The following RRP9 variants were observed in gnomAD, a reference collection of about 807,000 sequenced individuals.
The protein encoded by RRP9 is ribosomal RNA processing 9, U3 small nucleolar RNA binding protein.
A neutral mutation model predicts 65.5 loss-of-function variants in RRP9; 35 were observed. That is an observed-to-expected ratio of 0.53 (90% CI 0.41 to 0.71). The LOEUF (loss-of-function observed/expected upper bound fraction) is 0.71, where lower values mean the gene tolerates loss of function less well. RRP9 is among the 30% of genes least tolerant of loss of function. RRP9 has a pLI of 0.00. For missense variants in RRP9, 533 were observed against 633.6 expected (o/e 0.84, Z 1.70); for synonymous variants, 254 against 245.0 (o/e 1.04, Z -0.34).
chr3:51,935,793 C>T lies in RRP9; in HGVS notation c.736-101G>A, dbSNP rs1273022371. On this transcript the variant is annotated intron_variant, in intron 8 of 14. Coordinates refer to ENST00000232888, the MANE Select transcript of RRP9 (RefSeq NM_004704.5). Reference sequence around the variant, plus strand: ...TTCCCAAAAAGCAAGCCATGTGGCACGTGCTGTGAGGCAATTTTGTACTGC... The same window carrying T: ...TTCCCAAAAAGCAAGCCATGTGGCATGTGCTGTGAGGCAATTTTGTACTGC... The T allele has an allele frequency of 3.0e-5, 29 of 951,006 alleles. No individual in the cohort carries two copies. In the East Asian group the frequency reaches 6.5e-4, roughly 21 times the overall value. The allele number at this position is 951,006 out of a possible 1,614,324, so 58.9% of individuals were successfully genotyped here. A position where few individuals can be genotyped will look rare whatever the true frequency, so the allele number is the denominator to read the frequency against.
chr3:51,933,729 G>A lies in RRP9; in HGVS notation c.1313C>T (p.Ala438Val). 3.1e-6 allele frequency: 5 copies of A among 1,614,098 alleles called. No homozygotes were observed. Among genetic ancestry groups the A allele is most frequent in the Non-Finnish European group, 4.2e-6 (5 of 1,179,992 alleles). Residue 438 changes from alanine to valine, a missense_variant, in exon 14 of 15, where the codon GCT (alanine) becomes GTT (valine). By Grantham distance (64) the Ala-to-Val change is moderately conservative. This residue lies in a region of RRP9 where 449 missense variants were observed against 550.6 expected (regional missense o/e 0.82). Coordinates refer to ENST00000232888, the MANE Select transcript of RRP9 (RefSeq NM_004704.5). Reference protein sequence around the residue: ...KFSSSGDFLVAGVGQEHRLGR... With the variant: ...KFSSSGDFLVVGVGQEHRLGR... ...ATACCTGTGCTCCTGCCCTACCCCA[G>A]CCACCAGGAAGTCCCCAGAGCTGGA...
At position 51,941,816 on chromosome 3, in the gene RRP9, C is replaced by G; in HGVS notation, c.52G>C (p.Gly18Arg). Residue 18 changes from glycine (G) to arginine (R), a missense_variant, in exon 1 of 15, where the codon GGG becomes CGG. Physicochemically the swap from Gly to Arg is moderately radical, Grantham distance 125 (BLOSUM62 -2). Coordinates refer to ENST00000232888, the MANE Select transcript of RRP9 (RefSeq NM_004704.5). The part of the protein sequence containing the change: ...RKRGKPASGA[G>R]AGAGAGKRRR... ...CGCTTGCCGGCCCCCGCGCCAGCCC[C>G]GGCCCCAGAGGCCGGCTTTCCCCGC... is the stretch of plus-strand genomic sequence containing the variant. 1.3e-6 allele frequency: 2 copies of G among 1,580,482 alleles called. No homozygotes were observed. Among genetic ancestry groups the G allele is most frequent in the Non-Finnish European group, 1.7e-6 (2 of 1,171,522 alleles).
At chr3:51,939,255 T>G (rs902474662) in intron 2 of RRP9, among the ~76,000 whole-genome samples, 3 of 152,224 alleles carry the variant, frequency 2.0e-5, no homozygotes, top group Non-Finnish European at 4.4e-5. Context: ...AGAAATAATT[T>G]AGTGCCCTGT....
At chr3:51,935,048 C>G (rs1410890511) in intron 11 of RRP9, 149 bp downstream of exon 11, 2 of 874,132 alleles carry the variant, frequency 2.3e-6, no homozygotes, top group Non-Finnish European at 3.6e-6. Context: ...ACAAGGCCAT[C>G]TGAGCTCTCT....
In RRP9 at chr3:51,938,223, T is replaced by C; in HGVS notation, c.171-19A>G. 6.5e-7 allele frequency: 1 copy of C among 1,533,708 alleles called. No individual in the cohort carries two copies. Among genetic ancestry groups the C allele is most frequent in the Non-Finnish European group, 8.8e-7 (1 of 1,141,596 alleles). On this transcript the variant is annotated intron_variant, in intron 2 of 14. Coordinates refer to ENST00000232888, the MANE Select transcript of RRP9 (RefSeq NM_004704.5). ...AGCTAGGCTGTGGGCAGGAAGGGGC[T>C]GGGTCTGAGGGGCTCACCTTGTTCC... is the stretch of plus-strand genomic sequence containing the variant.
rs757047092 is a variant in RRP9, at chr3:51,934,487, G to A, written c.1245C>T (p.Leu415=). 4 of 1,613,716 alleles carry A rather than the reference G, an allele frequency of 2.5e-6. No homozygotes were observed. The highest frequency in any genetic ancestry group is 3.3e-5 in the Admixed American group (2 of 59,998). The change falls in exon 13 of 15, where the codon CTC becomes CTT. Residue 415 remains leucine, a synonymous_variant. Transcript: ENST00000232888. The surrounding 1 kb of genome is among the most constrained non-coding windows in gnomAD (Gnocchi z 4.1). ...CGEGFRQLDL[L]CDIPLVGFIN... ...ACTCACTCACCAGGGGGATGTCACA[G>A]AGAAGGTCAAGCTGCCGGAAGCCTT...
At position 51,941,744 on chromosome 3, in the gene RRP9, C is replaced by T. The variant is rs1178655411; in HGVS notation, c.87+37G>A. ...GATGGGATGACGGTTGTCCCAGTAG[C>T]AGGGCTGACCGCGGCCCTCAGAAGC... is the stretch of plus-strand genomic sequence containing the variant. On this transcript the variant is annotated intron_variant, in intron 1 of 14. Transcript: ENST00000232888. 6.6e-6 allele frequency: 10 copies of T among 1,512,970 alleles called. No individual in the cohort carries two copies. In the Admixed American group the frequency reaches 1.9e-4, roughly 29 times the overall value. 93.7% of individuals were successfully genotyped at this position (1,512,970 alleles called of 1,614,324 possible). A position where few individuals can be genotyped will look rare whatever the true frequency, so the allele number is the denominator to read the frequency against.
chr3:51,936,887 G>C (rs530415929), intron 6 of RRP9, among the ~76,000 whole-genome samples: 2 of 152,204 alleles, frequency 1.3e-5, no homozygotes, highest in Non-Finnish European at 2.9e-5. Context: ...CAGGAGGACC[G>C]GGCACTCAAT....
Position 51,934,772 on chromosome 3 carries a change from C to G in RRP9, c.1039G>C (p.Val347Leu). The change falls in exon 12 of 15, where the codon GTG (valine) becomes CTG (leucine). Residue 347 changes from valine to leucine, a missense_variant. This residue lies in a region of RRP9 where 449 missense variants were observed against 550.6 expected (regional missense o/e 0.82). Transcript: ENST00000232888. The surrounding 1 kb of genome is among the most constrained non-coding windows in gnomAD (Gnocchi z 4.1). The stretch of plus-strand genomic sequence containing the variant: ...TTCTTGGAGAGACCCCACAAGGCCA[C>G]AGAGCTATAAACAGGGAGGGAATAC... ...HMVSGADDGS[V>L]ALWGLSKKRP... 1 of 1,613,270 alleles carries G rather than the reference C, an allele frequency of 6.2e-7. No homozygotes were observed. The highest frequency in any genetic ancestry group is 8.5e-7 in the Non-Finnish European group (1 of 1,179,830).
chr3:51,941,678 AG>A, intron 1 of RRP9, 102 bp downstream of exon 1: 1 of 1,189,752 alleles, frequency 8.4e-7, no homozygotes. Flanking sequence ...GCAGGGGTCC[AG>A]GGCGAAGGGC....
In RRP9 at chr3:51,934,835, G is replaced by T; in HGVS notation, c.1035-59C>A. The T allele has an allele frequency of 6.4e-7, 1 of 1,552,824 alleles. No individual in the cohort carries two copies. The highest frequency in any genetic ancestry group is 8.8e-7 in the Non-Finnish European group (1 of 1,138,730). On this transcript the variant is annotated intron_variant, in intron 11 of 14. Transcript: ENST00000232888. This position sits in a 1 kb window ranked among gnomAD's most constrained non-coding sequence, Gnocchi z 4.1. ...GCCAGAGGCAGAAAAGGCCCCCTGT[G>T]TAACACAAAGGATTAATGCTTGAGG...
intron 13 of RRP9, 43 bp from the exon 14 acceptor site, chr3:51,933,824 G>T: frequency 1.3e-6 from 2 of 1,564,996 alleles, no homozygotes; most frequent in Non-Finnish European, 1.8e-6. Context: ...AACGCCCCCC[G>T]CCACCACCGT....
chr3:51,940,191 G>C (rs900128759), intron 2 of RRP9, among the ~76,000 whole-genome samples: 3 of 152,126 alleles, frequency 2.0e-5, no homozygotes, highest in Non-Finnish European at 4.4e-5. Context: ...GGGAAGCAGA[G>C]GTTGCAGTGA....
At position 51,937,677 on chromosome 3, in the gene RRP9, C is replaced by T; in HGVS notation, c.340G>A (p.Glu114Lys). The change falls in exon 4 of 15, where the codon GAG (glutamate) becomes AAG (lysine). Residue 114 changes from glutamate (E) to lysine (K), a missense_variant. By Grantham distance (56) the Glu-to-Lys change is moderately conservative. Transcript: ENST00000232888. This position sits in a 1 kb window ranked among gnomAD's most constrained non-coding sequence, Gnocchi z 5.0. The part of the protein sequence containing the change: ...EEDQVAGRLK[E>K]DVLEQRGRLQ... The stretch of plus-strand genomic sequence containing the variant: ...TCTCCCTCCACACTTACCACATCCT[C>T]CTTCAGGCGCCCCGCCACCTGGTCC... 6.2e-7 allele frequency: 1 copy of T among 1,614,222 alleles called. No individual in the cohort carries two copies. The highest frequency in any genetic ancestry group is 8.5e-7 in the Non-Finnish European group (1 of 1,180,038).
chr3:51,936,065 A>G (rs1473760690), intron 8 of RRP9, among the ~76,000 whole-genome samples, 192 bp downstream of exon 8: 1 of 152,078 alleles, frequency 6.6e-6, no homozygotes, highest in African/African-American at 2.4e-5. Context: ...TTCCTGAGCA[A>G]GCTCGGCCCG....
At chr3:51,933,833 G>A (rs374463412) in intron 13 of RRP9, 52 bp from the exon 14 acceptor site, 17 of 1,536,852 alleles carry the variant, frequency 1.1e-5, no homozygotes, top group East Asian at 4.5e-5. Context: ...CGCCACCACC[G>A]TCCTCAGCAT....
chr3:51,934,692 C>T lies in RRP9; in HGVS notation c.1119G>A (p.Leu373=), dbSNP rs372854329. 6 of 1,614,040 alleles carry T rather than the reference C, an allele frequency of 3.7e-6. No individual in the cohort carries two copies. In the African/African-American group the frequency reaches 8.0e-5, roughly 22 times the overall value. The change falls in exon 12 of 15, where the codon CTG becomes CTA. Residue 373 remains leucine (L), a synonymous_variant. Transcript: ENST00000232888. This position sits in a 1 kb window ranked among gnomAD's most constrained non-coding sequence, Gnocchi z 4.1. ...EAHGLRGEPG[L]EQPFWISSVA... is the part of the protein sequence containing the mutation. ...CCGACGATATCCAGAAGGGCTGCTCCAGGCCTGGCTCTCCCCGCAGCCCGT... is the reference window on the plus strand; with the variant it reads ...CCGACGATATCCAGAAGGGCTGCTCTAGGCCTGGCTCTCCCCGCAGCCCGT...
At position 51,937,845 on chromosome 3, in the gene RRP9, T is replaced by C. The variant is rs1699477464; in HGVS notation, c.281-109A>G. The C allele has an allele frequency of 9.5e-6, 13 of 1,370,314 alleles. No individual in the cohort carries two copies. The highest frequency in any genetic ancestry group is 1.3e-5 in the Non-Finnish European group (13 of 983,334). The allele number at this position is 1,370,314 out of a possible 1,614,324, so 84.9% of individuals were successfully genotyped here. On this transcript the variant is annotated intron_variant, in intron 3 of 14. Coordinates refer to ENST00000232888, the MANE Select transcript of RRP9 (RefSeq NM_004704.5). The surrounding 1 kb of genome is among the most constrained non-coding windows in gnomAD (Gnocchi z 5.0). ...GCTGGATAATGCAGGAAGCTCCAGCTGCCTCAGCAGAGGGGAGGGCAAGCT... is the reference window on the plus strand; with the variant it reads ...GCTGGATAATGCAGGAAGCTCCAGCCGCCTCAGCAGAGGGGAGGGCAAGCT...
Position 51,935,187 on chromosome 3 carries a change from G to A in RRP9, c.1034+10C>T, listed in dbSNP as rs751694515. ...AAGCCGTGGCCAGAGACATCCAAAG[G>A]ACCTCTTACCCATCGTCCGCGCCGG... On this transcript the variant is annotated intron_variant, in intron 11 of 14. Coordinates refer to ENST00000232888, the MANE Select transcript of RRP9 (RefSeq NM_004704.5). 5 of 1,613,956 alleles carry A rather than the reference G, an allele frequency of 3.1e-6. No homozygotes were observed. The highest frequency in any genetic ancestry group is 4.2e-6 in the Non-Finnish European group (5 of 1,179,950).
Sources: gnomAD v4.1 joint callset for allele counts (sites outside exome capture counted in the v4.1 genomes callset) on GRCh38, gnomAD v4.1.1 for gene constraint, gnomAD v4.1.1 regional missense constraint, Gnocchi (gnomAD v3.1) non-coding constraint, MANE v1.5 for transcripts, NCBI Gene and HGNC (gene_info 2026-07-23, HGNC 2026-07-21) for gene names.